NCAM1: variants seen among roughly 807,000 people sequenced by gnomAD.
NCAM1 encodes neural cell adhesion molecule 1.
Under a neutral mutation model 109.8 loss-of-function variants are expected in NCAM1, and 14 were observed. The observed-to-expected ratio is 0.13, with a 90% CI of 0.08 to 0.20. The LOEUF (loss-of-function observed/expected upper bound fraction) is 0.20, where lower values mean the gene tolerates loss of function less well. Ranked by LOEUF, NCAM1 falls within the 10% of genes least tolerant of loss-of-function variation. The pLI is 1.00. For missense variants in NCAM1, 774 were observed against 1,109.9 expected (o/e 0.70, Z 4.30); for synonymous variants, 418 against 442.9 (o/e 0.94, Z 0.70).
intron 1 of NCAM1, among the ~76,000 whole-genome samples, chr11:113,036,592 T>G (rs1555079209): frequency 6.6e-6 from 1 of 152,140 alleles, no homozygotes; most frequent in Non-Finnish European, 1.5e-5. Context: ...TCCCCCATCC[T>G]TCTGCTGTTT....
At chr11:113,194,977 C>A (rs1322126985) in intron 1 of NCAM1, among the ~76,000 whole-genome samples, 1 of 152,196 alleles carries the variant, frequency 6.6e-6, no homozygotes, top group Admixed American at 6.5e-5. Context: ...GAAGGACTGG[C>A]AGTACTAAGT....
intron 1 of NCAM1, among the ~76,000 whole-genome samples, chr11:113,169,500 A>G (rs1199046867): frequency 6.6e-6 from 1 of 152,166 alleles, no homozygotes; most frequent in Non-Finnish European, 1.5e-5. Context: ...ATCACTTGTC[A>G]TCAATTCCCT....
intron 1 of NCAM1, among the ~76,000 whole-genome samples, chr11:113,004,877 C>T (rs1555073057): frequency 2.0e-5 from 3 of 150,462 alleles, no homozygotes; most frequent in Non-Finnish European, 3.0e-5. Flanking sequence ...TTATTCTTGT[C>T]CTTCAGATTT....
Position 112,963,039 on chromosome 11 carries a change from G to C in NCAM1, c.52+1375G>C, listed in dbSNP as rs1950614274. ...CGCCCCCTCCGCGGGCGGCACAAGA[G>C]CAGCGCTCGGCCGCCGCCTCCAGCC... On this transcript the variant is annotated intron_variant, in intron 1 of 19. Coordinates refer to ENST00000316851, the MANE Select transcript of NCAM1 (RefSeq NM_181351.5). The surrounding 1 kb of genome is among the most constrained non-coding windows in gnomAD (Gnocchi z 4.6). Among the ~76,000 whole-genome samples, 1 of 152,090 alleles carries C rather than the reference G, an allele frequency of 6.6e-6. No homozygotes were observed. The highest frequency in any genetic ancestry group is 2.4e-5 in the African/African-American group (1 of 41,446).
intron 1 of NCAM1, among the ~76,000 whole-genome samples, chr11:113,065,239 T>C (rs1184191292): frequency 1.3e-5 from 2 of 152,168 alleles, no homozygotes; most frequent in Non-Finnish European, 2.9e-5. Flanking sequence ...TAAATATCCA[T>C]GAATCCATAC....
At chr11:112,982,716 G>A (rs1555068946) in intron 1 of NCAM1, among the ~76,000 whole-genome samples, 2 of 151,874 alleles carry the variant, frequency 1.3e-5, no homozygotes, top group Non-Finnish European at 2.9e-5. Flanking sequence ...TTTCAGGTGA[G>A]GCGCATGGTA....
At chr11:113,131,672 C>T (rs1178269090) in intron 1 of NCAM1, among the ~76,000 whole-genome samples, 1 of 152,186 alleles carries the variant, frequency 6.6e-6, no homozygotes, top group African/African-American at 2.4e-5. Context: ...TCCACACAGT[C>T]ATTCAGGGGT....
intron 8 of NCAM1, among the ~76,000 whole-genome samples, chr11:113,215,799 C>T (rs1479090386): frequency 6.6e-6 from 1 of 152,208 alleles, no homozygotes; most frequent in African/African-American, 2.4e-5. Context: ...TACTTGGATA[C>T]TTTCTTTATC....
At chr11:113,041,378 T>C (rs560857035) in intron 1 of NCAM1, among the ~76,000 whole-genome samples, 1 of 152,296 alleles carries the variant, frequency 6.6e-6, no homozygotes, top group African/African-American at 2.4e-5. Flanking sequence ...TGCTGGTATA[T>C]AGTCTGTGAA....
intron 1 of NCAM1, among the ~76,000 whole-genome samples, chr11:113,072,825 T>TTA (rs1555085518): frequency 6.6e-6 from 1 of 151,202 alleles, no homozygotes; most frequent in East Asian, 1.9e-4. Context: ...TGTTTTTTAT[T>TTA]TTTTTTTTCA....
At chr11:113,136,191 T>G (rs1555099388) in intron 1 of NCAM1, among the ~76,000 whole-genome samples, 1 of 152,158 alleles carries the variant, frequency 6.6e-6, no homozygotes, top group Non-Finnish European at 1.5e-5. Context: ...GTGGCAAGAA[T>G]GGGACTGCTG....
intron 1 of NCAM1, among the ~76,000 whole-genome samples, chr11:113,185,736 G>A (rs962206566): frequency 1.3e-5 from 2 of 152,164 alleles, no homozygotes; most frequent in Non-Finnish European, 2.9e-5. Context: ...GTTTAACTGA[G>A]TTTAATAGTA....
intron 1 of NCAM1, among the ~76,000 whole-genome samples, chr11:113,132,356 A>G (rs1941421960): frequency 6.6e-6 from 1 of 152,184 alleles, no homozygotes; most frequent in Admixed American, 6.5e-5. Flanking sequence ...TGCCTCTTTA[A>G]CTAGGAAAAG....
chr11:113,238,660 G>A (rs1945242505), intron 14 of NCAM1, among the ~76,000 whole-genome samples: 1 of 152,226 alleles, frequency 6.6e-6, no homozygotes, highest in Admixed American at 6.5e-5. Flanking sequence ...AACTTAGGTA[G>A]ACAGAACCAA....
intron 18 of NCAM1, among the ~76,000 whole-genome samples, chr11:113,271,441 C>T (rs1179178248): frequency 6.8e-6 from 1 of 146,244 alleles, no homozygotes; most frequent in Non-Finnish European, 1.5e-5. Context: ...TGTACAGAGA[C>T]AGATGTATGT....
intron 1 of NCAM1, among the ~76,000 whole-genome samples, chr11:113,146,688 G>A (rs375210481): frequency 4.1e-4 from 62 of 152,298 alleles, no homozygotes; most frequent in Non-Finnish European, 6.8e-4. Context: ...CCAGGGCAGC[G>A]ATGGAGTTGA....
At chr11:113,191,287 A>C (rs1232272444) in intron 1 of NCAM1, among the ~76,000 whole-genome samples, 2 of 152,118 alleles carry the variant, frequency 1.3e-5, no homozygotes, top group Non-Finnish European at 2.9e-5. Context: ...CGGCAGGGAG[A>C]AGAGTGTAGC....
chr11:113,180,729 T>C (rs533872889), intron 1 of NCAM1, among the ~76,000 whole-genome samples: 1 of 152,352 alleles, frequency 6.6e-6, no homozygotes, highest in Non-Finnish European at 1.5e-5. Flanking sequence ...GATGGCATAG[T>C]ACAAGAGAAA....
rs549225736 is a variant in NCAM1 at position 113,139,883 on chromosome 11, G to A, written c.53-62496G>A. Among the ~76,000 whole-genome samples the A allele has an allele frequency of 6.6e-5, 10 of 152,234 alleles. No individual in the cohort carries two copies. In the South Asian group the frequency reaches 2.1e-3, roughly 32 times the overall value. ...TATTCAATTAAAAACTTGTAAAGAGGCTCAACATTGTTTTCTAGTGATATT... is the reference window on the plus strand; with the variant it reads ...TATTCAATTAAAAACTTGTAAAGAGACTCAACATTGTTTTCTAGTGATATT... On this transcript the variant is annotated intron_variant, in intron 1 of 19. Transcript: ENST00000316851.
Sources: gnomAD v4.1 joint callset for allele counts (sites outside exome capture counted in the v4.1 genomes callset) on GRCh38, gnomAD v4.1.1 for gene constraint, Gnocchi (gnomAD v3.1) non-coding constraint, MANE v1.5 for transcripts, NCBI Gene and HGNC (gene_info 2026-07-23, HGNC 2026-07-21) for gene names.